Variants in IKBIP observed in about 807,000 individuals in gnomAD.
IKBIP encodes IKBKB interacting protein, also known as inhibitor of nuclear factor kappa-B kinase-interacting protein.
A neutral mutation model predicts 31.0 loss-of-function variants in IKBIP; 28 were observed. The observed-to-expected ratio is 0.90, with a 90% CI of 0.67 to 1.24. The LOEUF is 1.24. Ranked by LOEUF, IKBIP falls within the 50% of genes most tolerant of loss-of-function variation. IKBIP has a pLI of 0.00. For synonymous variants in IKBIP, 164 were observed against 160.3 expected (o/e 1.02, Z -0.17); for missense variants, 453 against 441.9 (o/e 1.03, Z -0.23).
chr12:98,634,535 T>A lies in IKBIP; in HGVS notation c.180-122A>T. ...AAATTCTGGTATGGGTAGCTGTAGG[T>A]TTTTTTTTTTTTTTTTTCACACAGG... On this transcript the variant is annotated intron_variant, in intron 1 of 2. Coordinates refer to ENST00000299157, the MANE Select transcript of IKBIP (RefSeq NM_153687.4). 12 of 143,666 alleles carry A rather than the reference T, an allele frequency of 8.4e-5. No individual in the cohort carries two copies. The East Asian group carries it at 2.2e-3, about 26-fold the overall frequency. 8.9% of individuals were successfully genotyped at this position (143,666 alleles called of 1,614,324 possible). A position where few individuals can be genotyped will look rare whatever the true frequency, so the allele number is the denominator to read the frequency against.
intron 1 of IKBIP, among the ~76,000 whole-genome samples, chr12:98,643,394 C>T (rs2097632666): frequency 6.6e-6 from 1 of 152,038 alleles, no homozygotes; most frequent in African/African-American, 2.4e-5. Flanking sequence ...TAACAACAGT[C>T]TTACTAAATA....
At chr12:98,624,058 C>CTATA (rs1400997059), downstream of IKBIP, among the ~76,000 whole-genome samples, 4 of 151,020 alleles carry the variant, frequency 2.6e-5, no homozygotes, top group Admixed American at 2.6e-4. Context: ...TCCCTTGTGT[C>CTATA]ATTATAGAGA....
At chr12:98,614,872 T>C (rs1465171562) in intron 2 of IKBIP, among the ~76,000 whole-genome samples, 1 of 152,192 alleles carries the variant, frequency 6.6e-6, no homozygotes, top group African/African-American at 2.4e-5. Context: ...TCATGAAATG[T>C]CCCTGGAAAT....
intron 2 of IKBIP, among the ~76,000 whole-genome samples, chr12:98,631,593 T>A (rs1396961371): frequency 7.0e-6 from 1 of 143,660 alleles, no homozygotes; most frequent in Admixed American, 6.9e-5. Flanking sequence ...GCCAACATGG[T>A]GAAACCCCGT....
chr12:98,643,797 G>T (rs951932979), intron 1 of IKBIP, among the ~76,000 whole-genome samples: 8 of 141,324 alleles, frequency 5.7e-5, no homozygotes, highest in Non-Finnish European at 9.4e-5. Context: ...GCTCCTTTGG[G>T]AGCATAATGA....
downstream of IKBIP, among the ~76,000 whole-genome samples, chr12:98,619,739 C>G (rs1179567363): frequency 6.6e-6 from 1 of 151,684 alleles, no homozygotes; most frequent in East Asian, 1.9e-4. Context: ...TGGTGAAACT[C>G]CATCTCTACA....
chr12:98,644,459 G>T, intron 1 of IKBIP, 64 bp downstream of exon 1: 1 of 1,466,918 alleles, frequency 6.8e-7, no homozygotes, highest in Non-Finnish European at 9.1e-7. Context: ...TGTTGAGCCG[G>T]GTGGGAGCCC....
downstream of IKBIP, among the ~76,000 whole-genome samples, chr12:98,620,093 A>ATTTTTTTT (rs772601870): frequency 1.1e-5 from 1 of 95,060 alleles, no homozygotes; most frequent in Non-Finnish European, 2.2e-5. Flanking sequence ...TAAGTTTTCT[A>ATTTTTTTT]TTTTTTTTTT....
In IKBIP at chr12:98,635,286, G is replaced by A. The variant is rs145772621; in HGVS notation, c.180-873C>T. ...CCCAAAGTGCTAGGATTACAGGCAT[G>A]AGCCACTGTGCCCAGCCCCAAGGTG... On this transcript the variant is annotated intron_variant, in intron 1 of 2. Transcript: ENST00000299157. Among the ~76,000 whole-genome samples, 477 of 152,218 alleles carry A rather than the reference G, an allele frequency of 3.1e-3. 4 individuals are homozygous for A. Among genetic ancestry groups the A allele is most frequent in the African/African-American group, 0.011 (458 of 41,542 alleles).
intron 1 of IKBIP, among the ~76,000 whole-genome samples, chr12:98,639,613 C>T (rs1455128781): frequency 2.6e-5 from 4 of 152,194 alleles, no homozygotes; most frequent in African/African-American, 2.4e-5. Flanking sequence ...GAATGGTTTA[C>T]ATTTTCCTAC....
In IKBIP at chr12:98,644,540, C is replaced by T. The variant is rs561040529; in HGVS notation, c.162G>A (p.Thr54=). The stretch of plus-strand genomic sequence containing the variant: ...CCACTTACCAGGCCAGGCCCAGGCA[C>T]GTCCCCAGCGACAGCAGGCTCAGGC... ...RTCLSLLSLG[T]CLGLAWFVFQ... Residue 54 remains threonine (T), a synonymous_variant, in exon 1 of 3, where the codon ACG becomes ACA. Transcript: ENST00000299157. The T allele has an allele frequency of 1.9e-5, 30 of 1,603,686 alleles. No homozygotes were observed. The African/African-American group carries it at 2.4e-4, about 13-fold the overall frequency.
At chr12:98,629,837 T>C (rs773283327) in intron 2 of IKBIP, among the ~76,000 whole-genome samples, 7 of 152,204 alleles carry the variant, frequency 4.6e-5, no homozygotes, top group Non-Finnish European at 8.8e-5. Flanking sequence ...AAGTGCAAGA[T>C]GTTATAGATT....
In IKBIP at chr12:98,638,194, C is replaced by T. The variant is rs140781884; in HGVS notation, c.180-3781G>A. Reference sequence around the variant, plus strand: ...ACTGATTAGGTGGGTGACTGGACTGCCTTAGCTCTGCCATTTACTAAGCTG... The same window carrying T: ...ACTGATTAGGTGGGTGACTGGACTGTCTTAGCTCTGCCATTTACTAAGCTG... On this transcript the variant is annotated intron_variant, in intron 1 of 2. Coordinates refer to ENST00000299157, the MANE Select transcript of IKBIP (RefSeq NM_153687.4). 5.9e-3 allele frequency among the ~76,000 whole-genome samples: 903 copies of T among 152,272 alleles called. 7 individuals carry two copies. The highest frequency in any genetic ancestry group is 0.02 in the African/African-American group (851 of 41,544).
chr12:98,625,312 G>A lies in IKBIP; in HGVS notation c.*618C>T. 2 of 982,080 alleles carry A rather than the reference G, an allele frequency of 2.0e-6. No individual in the cohort carries two copies. The highest frequency in any genetic ancestry group is 1.2e-6 in the Non-Finnish European group (1 of 826,924). The allele number at this position is 982,080 out of a possible 1,614,324, so 60.8% of individuals were successfully genotyped here. A position where few individuals can be genotyped will look rare whatever the true frequency, so the allele number is the denominator to read the frequency against. ...TTAGAACCTTAACAAAAACTAAAAT[G>A]TTTCCCAGGCTTTAGAGTTTTCAGA... On this transcript the variant is annotated 3_prime_UTR_variant, in exon 3 of 3. Transcript: ENST00000299157.
At chr12:98,633,003 T>C (rs1448725925) in intron 2 of IKBIP, among the ~76,000 whole-genome samples, 1 of 152,082 alleles carries the variant, frequency 6.6e-6, no homozygotes, top group Non-Finnish European at 1.5e-5. Flanking sequence ...ACACTCACCA[T>C]CCATGGAATC....
At chr12:98,631,921 T>A (rs2097620488) in intron 2 of IKBIP, among the ~76,000 whole-genome samples, 1 of 151,316 alleles carries the variant, frequency 6.6e-6, no homozygotes, top group Admixed American at 6.6e-5. Flanking sequence ...AATGGCGTGA[T>A]CTCAGCTCAC....
At position 98,613,772 on chromosome 12, in the gene IKBIP, T is replaced by C. The variant is rs1370143908; in HGVS notation, c.866A>G (p.Lys289Arg). The change falls in exon 3 of 3, where the codon AAG (lysine) becomes AGG (arginine). Residue 289 changes from lysine to arginine, a missense_variant. Coordinates refer to the IKBIP transcript ENST00000342502. ...TAATGGTTCTAAACGGGAAAAGTCC[T>C]TCTTTAGATTATACACCTTTGGTTT... is the stretch of plus-strand genomic sequence containing the variant. The C allele has an allele frequency of 2.5e-6, 4 of 1,610,834 alleles. No individual in the cohort carries two copies. The South Asian group carries it at 4.4e-5, about 18-fold the overall frequency.
At chr12:98,632,512 A>AATATAT (rs71436924) in intron 2 of IKBIP, among the ~76,000 whole-genome samples, 581 of 22,730 alleles carry the variant, frequency 0.026, 26 homozygotes, top group Middle Eastern at 0.062. Flanking sequence ...AAAAAAAAAA[A>AATATAT]ATATATATAT....
intron 1 of IKBIP, among the ~76,000 whole-genome samples, chr12:98,640,241 A>C (rs2097629229): frequency 6.6e-6 from 1 of 152,156 alleles, no homozygotes; most frequent in South Asian, 2.1e-4. Context: ...GTTTGACACC[A>C]GCTTGACCAA....
Sources: gnomAD v4.1 joint callset for allele counts (sites outside exome capture counted in the v4.1 genomes callset) on GRCh38, gnomAD v4.1.1 for gene constraint, MANE v1.5 for transcripts, NCBI Gene and HGNC (gene_info 2026-07-23, HGNC 2026-07-21) for gene names.